The following NAALADL2 variants were observed in gnomAD, a reference collection of about 807,000 sequenced individuals.
NAALADL2 encodes the protein N-acetylated alpha-linked acidic dipeptidase like 2.
Under a neutral mutation model 87.2 loss-of-function variants are expected in NAALADL2, and 76 were observed. That is an observed-to-expected ratio of 0.87 (90% CI 0.72 to 1.05). The LOEUF is 1.05. Ranked by LOEUF, NAALADL2 falls within the 50% of genes least tolerant of loss-of-function variation. NAALADL2 has a pLI of 0.00. For missense variants in NAALADL2, 1,089 were observed against 945.8 expected, an observed-to-expected ratio of 1.15 and a Z score of -1.99; for synonymous variants, 354 against 331.0, an observed-to-expected ratio of 1.07 and a Z score of -0.75.
intron 12 of NAALADL2, among the ~76,000 whole-genome samples, chr3:175,753,516 A>G (rs939966801): frequency 6.6e-6 from 1 of 152,158 alleles, no homozygotes; most frequent in Non-Finnish European, 1.5e-5. Flanking sequence ...TGAAGGTGAG[A>G]ATAAAAAATT....
At chr3:174,888,370 A>G (rs146886573) in intron 1 of NAALADL2, among the ~76,000 whole-genome samples, 498 of 152,350 alleles carry the variant, frequency 3.3e-3, no homozygotes, top group Middle Eastern at 6.8e-3. Flanking sequence ...TTTGATCAAT[A>G]TAAGACAGGA....
At chr3:174,742,972 C>T (rs923259511) in intron 3 of NAALADL2, among the ~76,000 whole-genome samples, 1 of 151,434 alleles carries the variant, frequency 6.6e-6, no homozygotes, top group Non-Finnish European at 1.5e-5. Context: ...CTGGGTCATG[C>T]TTTTTTCCTT....
At chr3:175,200,172 A>G (rs62285876) in intron 2 of NAALADL2, among the ~76,000 whole-genome samples, 57,010 of 151,180 alleles carry the variant, frequency 0.38, 11,960 homozygotes, top group East Asian at 0.56. Context: ...TTCTTCATTT[A>G]TTATTTTACA....
chr3:175,233,669 C>T (rs965124640), intron 2 of NAALADL2, among the ~76,000 whole-genome samples: 1 of 152,078 alleles, frequency 6.6e-6, no homozygotes, highest in African/African-American at 2.4e-5. Flanking sequence ...TAGTCCTGTG[C>T]TTAAGCGATC....
intron 11 of NAALADL2, among the ~76,000 whole-genome samples, chr3:175,699,891 A>G (rs1738747218): frequency 6.6e-6 from 1 of 152,148 alleles, no homozygotes; most frequent in African/African-American, 2.4e-5. Context: ...TTATACTTGT[A>G]ATGTCAGAGG....
At chr3:175,172,741 A>G (rs1735033371) in intron 2 of NAALADL2, among the ~76,000 whole-genome samples, 1 of 152,152 alleles carries the variant, frequency 6.6e-6, no homozygotes, top group Non-Finnish European at 1.5e-5. Flanking sequence ...TAGTAAAGGA[A>G]TTTCATTGAA....
chr3:175,605,241 C>T (rs1723523790), intron 10 of NAALADL2, among the ~76,000 whole-genome samples: 1 of 152,082 alleles, frequency 6.6e-6, no homozygotes, highest in Non-Finnish European at 1.5e-5. Flanking sequence ...GAGTTCTATA[C>T]AGCAATCTGA....
chr3:174,787,034 A>G (rs1480636235), intron 3 of NAALADL2, among the ~76,000 whole-genome samples: 2 of 140,358 alleles, frequency 1.4e-5, no homozygotes, highest in East Asian at 2.3e-4. Context: ...TTATACTGCA[A>G]TATAATAAAT....
chr3:175,645,824 A>G (rs1729933135), intron 11 of NAALADL2, among the ~76,000 whole-genome samples: 1 of 152,128 alleles, frequency 6.6e-6, no homozygotes, highest in Non-Finnish European at 1.5e-5. Context: ...CTAAAAACCA[A>G]TAAATTGGGG....
At chr3:175,777,109 T>A (rs1750351167) in intron 13 of NAALADL2, among the ~76,000 whole-genome samples, 1 of 151,642 alleles carries the variant, frequency 6.6e-6, no homozygotes, top group Non-Finnish European at 1.5e-5. Flanking sequence ...TGAATTTTTG[T>A]CAGTTTGGGG....
In NAALADL2 at chr3:175,454,262, T is replaced by TC. The variant is rs201057418; in HGVS notation, c.1234+6891dup. Among the ~76,000 whole-genome samples the TC allele has an allele frequency of 2.9e-3, 439 of 152,192 alleles. 2 individuals carry two copies. Among genetic ancestry groups the TC allele is most frequent in the African/African-American group, 9.7e-3 (404 of 41,560 alleles). On this transcript the variant is annotated intron_variant, in intron 6 of 13. Coordinates refer to ENST00000454872, the MANE Select transcript of NAALADL2 (RefSeq NM_207015.3). Reference sequence around the variant, plus strand: ...ATTGTTTTCCTTGAGGTTTATTTTTTCTTTAGATTTAGATGTTTGCCATTA... The same window carrying TC: ...ATTGTTTTCCTTGAGGTTTATTTTTTCCTTTAGATTTAGATGTTTGCCATTA...
intron 3 of NAALADL2, among the ~76,000 whole-genome samples, chr3:174,738,405 A>G (rs1733419723): frequency 6.6e-6 from 1 of 152,232 alleles, no homozygotes; most frequent in Admixed American, 6.5e-5. Context: ...CTTCTGAGTC[A>G]TCTCTTGCTT....
At chr3:175,480,379 C>T (rs1467837050) in intron 9 of NAALADL2, among the ~76,000 whole-genome samples, 1 of 151,806 alleles carries the variant, frequency 6.6e-6, no homozygotes, top group Non-Finnish European at 1.5e-5. Context: ...ATCTCATCCA[C>T]AAGCAACTCT....
At chr3:174,977,202 T>C (rs1030270778) in intron 1 of NAALADL2, among the ~76,000 whole-genome samples, 1 of 152,084 alleles carries the variant, frequency 6.6e-6, no homozygotes, top group African/African-American at 2.4e-5. Flanking sequence ...CTCATAGAAG[T>C]AGAGTAGAAT....
chr3:175,510,374 A>C (rs189322098), intron 9 of NAALADL2, among the ~76,000 whole-genome samples: 29 of 152,190 alleles, frequency 1.9e-4, no homozygotes, highest in Admixed American at 1.4e-3. Context: ...TCAGAATAAA[A>C]ATTGGAGGTC....
chr3:175,476,147 G>C (rs1202914644), intron 9 of NAALADL2, among the ~76,000 whole-genome samples: 2 of 152,100 alleles, frequency 1.3e-5, no homozygotes, highest in Non-Finnish European at 2.9e-5. Flanking sequence ...ACCACAAAAT[G>C]CATACATATA....
intron 1 of NAALADL2, among the ~76,000 whole-genome samples, chr3:174,886,262 G>A (rs1389959264): frequency 1.3e-5 from 2 of 152,054 alleles, no homozygotes; most frequent in Non-Finnish European, 2.9e-5. Context: ...TTGAGGGCAG[G>A]AAGCATCCAG....
intron 1 of NAALADL2, among the ~76,000 whole-genome samples, chr3:174,866,219 G>T (rs1180897213): frequency 1.3e-5 from 2 of 151,802 alleles, no homozygotes; most frequent in Non-Finnish European, 3.0e-5. Context: ...CTAGAAGAGA[G>T]CATCTTTATT....
At chr3:175,145,854 C>T (rs184434415) in intron 2 of NAALADL2, among the ~76,000 whole-genome samples, 1 of 126,828 alleles carries the variant, frequency 7.9e-6, no homozygotes, top group Admixed American at 8.9e-5. Flanking sequence ...TCAAATAATT[C>T]AGAAGTTGTT....
Sources: gnomAD v4.1 joint callset for allele counts (sites outside exome capture counted in the v4.1 genomes callset) on GRCh38, gnomAD v4.1.1 for gene constraint, MANE v1.5 for transcripts, NCBI Gene and HGNC (gene_info 2026-07-23, HGNC 2026-07-21) for gene names.